Variants in HTR1F observed in about 807,000 individuals in gnomAD.
The protein encoded by HTR1F is 5-hydroxytryptamine receptor 1F, also known as 5-hydroxytryptamine (serotonin) receptor 1F, G protein-coupled.
In HTR1F, 17 loss-of-function variants were observed where a neutral mutation model predicts 24.0. That is an observed-to-expected ratio of 0.71 (90% CI 0.48 to 1.06). HTR1F has a LOEUF of 1.06. Ranked by LOEUF, HTR1F falls within the 50% of genes least tolerant of loss-of-function variation. HTR1F has a pLI of 0.00. For missense variants in HTR1F, 391 were observed against 427.8 expected, an observed-to-expected ratio of 0.91 and a Z score of 0.76; for synonymous variants, 186 against 156.8, an observed-to-expected ratio of 1.19 and a Z score of -1.39.
intron 2 of HTR1F, among the ~76,000 whole-genome samples, chr3:87,893,829 T>A (rs1222688524): frequency 6.6e-6 from 1 of 152,214 alleles, no homozygotes; most frequent in Admixed American, 6.5e-5. Flanking sequence ...ATTAATTTCA[T>A]TATAATGCTA....
chr3:87,847,157 A>G (rs1704963809), intron 2 of HTR1F, among the ~76,000 whole-genome samples: 1 of 151,886 alleles, frequency 6.6e-6, no homozygotes, highest in African/African-American at 2.4e-5. Context: ...ATGCAAATTA[A>G]AAGATTGATG....
chr3:87,903,611 A>G (rs1195506878), intron 2 of HTR1F, among the ~76,000 whole-genome samples: 3 of 151,494 alleles, frequency 2.0e-5, no homozygotes, highest in Non-Finnish European at 4.4e-5. Flanking sequence ...CAATCATTAA[A>G]AAGTCAGGAA....
At chr3:87,929,525 C>T (rs911196794) in intron 2 of HTR1F, among the ~76,000 whole-genome samples, 2 of 152,124 alleles carry the variant, frequency 1.3e-5, no homozygotes, top group Non-Finnish European at 2.9e-5. Flanking sequence ...TATGGGTAGC[C>T]AGTTATCCCA....
At chr3:87,858,125 T>C (rs1206677579) in intron 2 of HTR1F, among the ~76,000 whole-genome samples, 1 of 152,210 alleles carries the variant, frequency 6.6e-6, no homozygotes, top group Non-Finnish European at 1.5e-5. Context: ...CTAATTATTT[T>C]CAGTAAATCT....
At chr3:87,870,324 C>T (rs1458899245) in intron 2 of HTR1F, among the ~76,000 whole-genome samples, 1 of 152,010 alleles carries the variant, frequency 6.6e-6, no homozygotes, top group African/African-American at 2.4e-5. Flanking sequence ...TTCAGAACAA[C>T]AGTAGTAAGA....
intron 2 of HTR1F, among the ~76,000 whole-genome samples, chr3:87,846,300 G>A (rs993947415): frequency 1.3e-5 from 2 of 151,790 alleles, no homozygotes; most frequent in Non-Finnish European, 2.9e-5. Context: ...CAGGTGTGAT[G>A]GCAAGCACCT....
intron 2 of HTR1F, among the ~76,000 whole-genome samples, chr3:87,855,859 A>G (rs895679989): frequency 3.3e-5 from 5 of 152,002 alleles, no homozygotes; most frequent in African/African-American, 1.2e-4. Flanking sequence ...ATTAGTCACA[A>G]ACCCTCTCAG....
chr3:87,794,679 A>T (rs1469852528), intron 1 of HTR1F, among the ~76,000 whole-genome samples: 3 of 152,206 alleles, frequency 2.0e-5, no homozygotes, highest in Admixed American at 6.5e-5. Flanking sequence ...TGTCAACAGC[A>T]TACAAATAAC....
intron 2 of HTR1F, among the ~76,000 whole-genome samples, chr3:87,963,052 A>T (rs56274317): frequency 0.11 from 17,253 of 152,054 alleles, 1,236 homozygotes; most frequent in Middle Eastern, 0.17. Flanking sequence ...AAAAATACTG[A>T]TTTATACTCT....
chr3:87,812,428 C>T (rs1342493582), intron 1 of HTR1F, among the ~76,000 whole-genome samples: 2 of 9,356 alleles, frequency 2.1e-4, no homozygotes, highest in African/African-American at 1.2e-3. Context: ...TGGAATTTTG[C>T]CCCTGCCCTA....
At chr3:87,799,552 T>C (rs1703961028) in intron 1 of HTR1F, among the ~76,000 whole-genome samples, 1 of 152,224 alleles carries the variant, frequency 6.6e-6, no homozygotes, top group African/African-American at 2.4e-5. Context: ...AGCCCGAGGC[T>C]GATATTCTGT....
At chr3:87,898,596 A>G (rs1313555751) in intron 2 of HTR1F, among the ~76,000 whole-genome samples, 3 of 152,188 alleles carry the variant, frequency 2.0e-5, no homozygotes, top group Non-Finnish European at 4.4e-5. Flanking sequence ...TTTATATGAA[A>G]GATGAATTTA....
intron 2 of HTR1F, among the ~76,000 whole-genome samples, chr3:87,861,368 T>C (rs551684035): frequency 1.4e-4 from 21 of 152,248 alleles, no homozygotes; most frequent in Middle Eastern, 3.4e-3. Context: ...AATTAAATTA[T>C]AAAATGAGGC....
At chr3:87,934,091 T>C (rs1704353505) in intron 2 of HTR1F, among the ~76,000 whole-genome samples, 1 of 152,218 alleles carries the variant, frequency 6.6e-6, no homozygotes, top group Non-Finnish European at 1.5e-5. Context: ...CTCCCCATAC[T>C]TCCTTCTAAT....
intron 1 of HTR1F, among the ~76,000 whole-genome samples, chr3:87,798,717 A>G (rs1306580567): frequency 6.6e-6 from 1 of 152,150 alleles, no homozygotes; most frequent in African/African-American, 2.4e-5. Context: ...TAGTCACTAT[A>G]TTATTAAATC....
At chr3:87,902,254 A>G (rs767372135) in intron 2 of HTR1F, among the ~76,000 whole-genome samples, 3 of 152,180 alleles carry the variant, frequency 2.0e-5, no homozygotes, top group Non-Finnish European at 4.4e-5. Flanking sequence ...GACCCTAAAA[A>G]GATACTCACG....
At chr3:87,880,414 A>G (rs1189653955) in intron 2 of HTR1F, among the ~76,000 whole-genome samples, 1 of 152,182 alleles carries the variant, frequency 6.6e-6, no homozygotes, top group Non-Finnish European at 1.5e-5. Flanking sequence ...GCATACAGAA[A>G]ATGCCAAAAA....
At chr3:87,833,820 T>A (rs1704630682) in intron 2 of HTR1F, among the ~76,000 whole-genome samples, 2 of 152,172 alleles carry the variant, frequency 1.3e-5, no homozygotes, top group Non-Finnish European at 2.9e-5. Context: ...AAAGCCCTTT[T>A]TTTTTAAGTC....
chr3:87,948,882 G>C (rs1704772802), intron 2 of HTR1F, among the ~76,000 whole-genome samples: 1 of 152,138 alleles, frequency 6.6e-6, no homozygotes, highest in African/African-American at 2.4e-5. Flanking sequence ...CCATATTATA[G>C]AACCTTGCTT....
Sources: gnomAD v4.1 joint callset for allele counts (sites outside exome capture counted in the v4.1 genomes callset) on GRCh38, gnomAD v4.1.1 for gene constraint, MANE v1.5 for transcripts, NCBI Gene and HGNC (gene_info 2026-07-23, HGNC 2026-07-21) for gene names.